Variants in SAMSN1 observed in about 807,000 individuals in gnomAD.
The protein encoded by SAMSN1 is SAM domain, SH3 domain and nuclear localization signals 1, also known as SAM domain-containing protein SAMSN-1.
Under a neutral mutation model 42.0 loss-of-function variants are expected in SAMSN1, and 31 were observed. The observed-to-expected ratio is 0.74, with a 90% confidence interval of 0.55 to 1.00. SAMSN1 has a LOEUF of 1.00. SAMSN1 is among the 50% of genes least tolerant of loss of function. The probability of loss-of-function intolerance (pLI) is 0.00; values close to 1 mark genes in which losing one functional copy is unlikely to be tolerated. For missense variants in SAMSN1, 464 were observed against 439.4 expected (o/e 1.06, Z -0.50); for synonymous variants, 178 against 151.9 (o/e 1.17, Z -1.26).
intron 2 of SAMSN1, among the ~76,000 whole-genome samples, chr21:14,517,667 A>G (rs1987977110): frequency 6.6e-6 from 1 of 152,198 alleles, no homozygotes. Flanking sequence ...TTCACATGCT[A>G]TATTAATCAA....
chr21:14,500,347 A>G (rs1210608053), intron 6 of SAMSN1, among the ~76,000 whole-genome samples, 182 bp downstream of exon 6: 1 of 152,242 alleles, frequency 6.6e-6, no homozygotes. Flanking sequence ...GGGATATTAT[A>G]TCAAGACTTG....
intron 1 of SAMSN1, 52 bp from the exon 2 acceptor site, chr21:14,521,273 T>C (rs760345): frequency 0.48 from 591,713 of 1,229,106 alleles, 143,956 homozygotes; most frequent in East Asian, 0.55. Context: ...ATTTTCACTG[T>C]CCAAACTGAT....
intron 1 of SAMSN1, among the ~76,000 whole-genome samples, chr21:14,535,963 C>A (rs1408236193): frequency 5.3e-5 from 8 of 152,152 alleles, no homozygotes; most frequent in East Asian, 3.8e-4. Flanking sequence ...GGGGACTTAG[C>A]CAGCTGTGGT....
chr21:14,609,396 A>C, intron 5 of SAMSN1: 2 of 701,352 alleles, frequency 2.9e-6, no homozygotes, highest in East Asian at 5.4e-5. Flanking sequence ...GCTTATTTTC[A>C]TGGTGGAAGA....
intron 6 of SAMSN1, among the ~76,000 whole-genome samples, chr21:14,596,548 G>T (rs1342771404): frequency 1.3e-5 from 2 of 152,150 alleles, no homozygotes; most frequent in Non-Finnish European, 2.9e-5. Context: ...TAAAATGGAA[G>T]TGATGATGTT....
intron 4 of SAMSN1, among the ~76,000 whole-genome samples, chr21:14,610,184 A>G (rs1023321478): frequency 3.3e-5 from 5 of 152,192 alleles, no homozygotes; most frequent in African/African-American, 9.7e-5. Flanking sequence ...AATGGATAAG[A>G]GAAATATCGC....
At chr21:14,638,787 A>G (rs973759932) in intron 2 of SAMSN1, among the ~76,000 whole-genome samples, 2 of 152,216 alleles carry the variant, frequency 1.3e-5, no homozygotes, top group East Asian at 3.9e-4. Context: ...GTGTAAGGAA[A>G]TAGAGACTGC....
chr21:14,609,744 G>A (rs375728746), intron 4 of SAMSN1, among the ~76,000 whole-genome samples: 40 of 152,176 alleles, frequency 2.6e-4, no homozygotes, highest in Non-Finnish European at 5.3e-4. Context: ...CGGAGGGACC[G>A]GCTGAAGCCA....
chr21:14,591,100 G>A (rs992093296), intron 7 of SAMSN1, among the ~76,000 whole-genome samples: 10 of 152,090 alleles, frequency 6.6e-5, no homozygotes, highest in Non-Finnish European at 1.0e-4. Context: ...CAGTTGGTGG[G>A]AAAATTGCCA....
chr21:14,515,389 C>A (rs764555161), intron 3 of SAMSN1, among the ~76,000 whole-genome samples: 31 of 151,930 alleles, frequency 2.0e-4, no homozygotes, highest in Admixed American at 1.6e-3. Context: ...CCGAGACAAT[C>A]AAATAGGAAA....
chr21:14,486,253 G>A, intron 7 of SAMSN1, 139 bp from the exon 8 acceptor site: 3 of 629,240 alleles, frequency 4.8e-6, no homozygotes, highest in Admixed American at 2.9e-5. Flanking sequence ...GCAAGTAAAA[G>A]GTATCTTTGT....
chr21:14,507,098 A>G (rs750813872), intron 5 of SAMSN1, among the ~76,000 whole-genome samples: 4 of 152,230 alleles, frequency 2.6e-5, no homozygotes, highest in Non-Finnish European at 5.9e-5. Context: ...CTGAATGGGC[A>G]CAAGGTGAAA....
chr21:14,489,110 A>G (rs985801336), intron 7 of SAMSN1, among the ~76,000 whole-genome samples: 1 of 152,090 alleles, frequency 6.6e-6, no homozygotes, highest in African/African-American at 2.4e-5. Context: ...TTTTCTTTCT[A>G]AGTCATTTAG....
intron 2 of SAMSN1, among the ~76,000 whole-genome samples, chr21:14,555,370 C>T (rs9980395): frequency 0.54 from 81,486 of 152,060 alleles, 22,281 homozygotes; most frequent in East Asian, 0.79. Context: ...TTGCCAACTA[C>T]ATTCCTTCAC....
intron 1 of SAMSN1, among the ~76,000 whole-genome samples, chr21:14,657,943 AAAC>A (rs965112462): frequency 6.6e-6 from 1 of 151,872 alleles, no homozygotes; most frequent in African/African-American, 2.4e-5. Flanking sequence ...TTAGGAAAGA[AAAC>A]AAACATCAGA....
chr21:14,518,222 AC>A (rs142757990), intron 2 of SAMSN1, among the ~76,000 whole-genome samples: 5,166 of 152,282 alleles, frequency 0.034, 258 homozygotes, highest in African/African-American at 0.11. Context: ...ACACTTCCAT[AC>A]ATCCTGTTTA....
At chr21:14,598,544 C>T (rs1054821341) in intron 6 of SAMSN1, among the ~76,000 whole-genome samples, 3 of 152,112 alleles carry the variant, frequency 2.0e-5, no homozygotes, top group Non-Finnish European at 4.4e-5. Flanking sequence ...GCCTGGTTCT[C>T]CAGGAAGTTT....
At chr21:14,529,849 T>A (rs927645835) in intron 1 of SAMSN1, among the ~76,000 whole-genome samples, 10 of 152,252 alleles carry the variant, frequency 6.6e-5, no homozygotes, top group African/African-American at 2.2e-4. Context: ...AGGCATTTTA[T>A]GTGTCTATGC....
In SAMSN1 at chr21:14,528,634, C is replaced by T. The variant is rs1026575841; in HGVS notation, c.58-7413G>A. On this transcript the variant is annotated intron_variant, in intron 1 of 7. Transcript: ENST00000400566. ...TAACACACCACAAATGCACATTCTCCCAGCCTGTACATATGTCCAATTATT... is the reference window on the plus strand; with the variant it reads ...TAACACACCACAAATGCACATTCTCTCAGCCTGTACATATGTCCAATTATT... Among the ~76,000 whole-genome samples the T allele has an allele frequency of 1.8e-4, 28 of 152,292 alleles. 3 individuals carry two copies. Among genetic ancestry groups the T allele is most frequent in the Admixed American group, 1.2e-3 (19 of 15,296 alleles).
Sources: allele counts gnomAD v4.1 joint callset (sites outside exome capture counted in the v4.1 genomes callset), GRCh38; gene constraint gnomAD v4.1.1; transcripts MANE v1.5; gene names NCBI Gene and HGNC (gene_info 2026-07-23, HGNC 2026-07-21).